The following BICRA variants were observed in gnomAD, a reference collection of about 807,000 sequenced individuals.
The protein encoded by BICRA is BRD4 interacting chromatin remodeling complex associated protein, also known as BRD4-interacting chromatin-remodeling complex-associated protein.
Under a neutral mutation model 96.9 loss-of-function variants are expected in BICRA, and 31 were observed. The ratio of observed to expected loss-of-function variants is 0.32; its 90% CI spans 0.24 to 0.43. BICRA has a LOEUF of 0.43. Among genes scored for constraint, BICRA ranks in the 20% least tolerant of loss-of-function variants. The pLI is 1.00. For synonymous variants in BICRA, 1,350 were observed against 1,071.8 expected, an observed-to-expected ratio of 1.26 and a Z score of -5.07; for missense variants, 2,283 against 2,190.3, an observed-to-expected ratio of 1.04 and a Z score of -0.84.
chr19:47,672,161 AGATG>A lies in BICRA; in HGVS notation c.-5-1402_-5-1399del, dbSNP rs749014248. Among the ~76,000 whole-genome samples the A allele has an allele frequency of 3.8e-4, 48 of 127,484 alleles. 1 individual carries two copies. The South Asian group carries it at 8.4e-3, about 22-fold the overall frequency. 83.6% of individuals were successfully genotyped at this position (127,484 alleles called of 152,430 possible). A position where few individuals can be genotyped will look rare whatever the true frequency, so the allele number is the denominator to read the frequency against. ...ATGGAAGGATGGAGCATGGGTAGGTAGATGGATGGAAGGATGGAGGATGGGTAGG... is the reference window on the plus strand; with the variant it reads ...ATGGAAGGATGGAGCATGGGTAGGTAGATGGAAGGATGGAGGATGGGTAGG... On this transcript the variant is annotated intron_variant, in intron 2 of 14. Transcript: ENST00000594866.
chr19:47,690,032 G>A (rs776642784), intron 7 of BICRA, among the ~76,000 whole-genome samples: 23 of 151,674 alleles, frequency 1.5e-4, no homozygotes, highest in Middle Eastern at 3.2e-3. Flanking sequence ...ACAGAGTTTC[G>A]CTCTTTTTGC....
intron 11 of BICRA, among the ~76,000 whole-genome samples, chr19:47,697,197 G>C (rs1599869159): frequency 1.3e-5 from 2 of 152,006 alleles, no homozygotes; most frequent in East Asian, 3.9e-4. Flanking sequence ...AGTAGAGATG[G>C]AGTTTCACCA....
At chr19:47,612,003 TG>T in intron 1 of BICRA, among the ~76,000 whole-genome samples, 1 of 152,118 alleles carries the variant, frequency 6.6e-6, no homozygotes, top group South Asian at 2.1e-4. Context: ...CCCGAGTAGC[TG>T]GGATTACAGG....
At chr19:47,686,397 G>A (rs1277470139) in intron 7 of BICRA, among the ~76,000 whole-genome samples, 2 of 151,464 alleles carry the variant, frequency 1.3e-5, no homozygotes, top group African/African-American at 4.9e-5. Context: ...TGGGGTTAGC[G>A]GGGAGGCATG....
intron 1 of BICRA, among the ~76,000 whole-genome samples, chr19:47,668,867 C>G (rs1972822467): frequency 1.3e-5 from 2 of 150,322 alleles, no homozygotes; most frequent in African/African-American, 4.9e-5. Context: ...CTCCTGTAAT[C>G]CCAACACTCT....
chr19:47,701,347 C>T lies in BICRA; in HGVS notation c.3615C>T (p.Ser1205=). 1 of 1,611,232 alleles carries T rather than the reference C, an allele frequency of 6.2e-7. No individual in the cohort carries two copies. Among genetic ancestry groups the T allele is most frequent in the African/African-American group, 1.3e-5 (1 of 75,042 alleles). The change falls in exon 15 of 15, where the codon TCC becomes TCT. Residue 1205 remains serine, a synonymous_variant. Coordinates refer to ENST00000594866, the MANE Select transcript of BICRA (RefSeq NM_001394372.1). This position sits in a 1 kb window ranked among gnomAD's most constrained non-coding sequence, Gnocchi z 5.4. ...CTGCAGACGAGTACGTGTCTTCCTC[C>T]CGCTCGCTCGGCCTCCCCATCGCAG... ...KEKPDEYVSS[S]RSLGLPIAAS...
intron 7 of BICRA, among the ~76,000 whole-genome samples, chr19:47,683,464 G>T (rs568833583): frequency 6.6e-6 from 1 of 152,048 alleles, no homozygotes; most frequent in Non-Finnish European, 1.5e-5. Context: ...TAAAATCTGG[G>T]TTGCTGTCAT....
chr19:47,662,733 C>G (rs1445556088), intron 1 of BICRA: 1 of 152,292 alleles, frequency 6.6e-6, no homozygotes, highest in East Asian at 1.9e-4. Context: ...AGTCAAGAAG[C>G]CAGCCCAGGG....
chr19:47,659,450 T>A (rs1972670237), intron 1 of BICRA, among the ~76,000 whole-genome samples: 1 of 152,122 alleles, frequency 6.6e-6, no homozygotes, highest in African/African-American at 2.4e-5. Context: ...CCCAGCCAGC[T>A]CTTACGGGGC....
At chr19:47,662,020 A>G (rs2123562125) in intron 1 of BICRA, 1 of 152,414 alleles carries the variant, frequency 6.6e-6, no homozygotes, top group South Asian at 2.1e-4. Context: ...TCAGGAAACT[A>G]AGGTGGGAGG....
chr19:47,608,697 G>GCGGAGGGCCCAGTCCC (rs1971845435), upstream of BICRA, among the ~76,000 whole-genome samples: 1 of 151,784 alleles, frequency 6.6e-6, no homozygotes, highest in African/African-American at 2.4e-5. Flanking sequence ...CGGCGCCGGC[G>GCGGAGGGCCCAGTCCC]CGGAGGGCCC....
intron 1 of BICRA, among the ~76,000 whole-genome samples, chr19:47,649,001 A>G (rs1332063322): frequency 6.6e-6 from 1 of 151,828 alleles, no homozygotes; most frequent in Non-Finnish European, 1.5e-5. Flanking sequence ...ACAGGCACCC[A>G]CCACCACACC....
In BICRA at chr19:47,701,825, C is replaced by A. The variant is rs1180593544; in HGVS notation, c.4093C>A (p.His1365Asn). 6.5e-7 allele frequency: 1 copy of A among 1,527,376 alleles called. No individual in the cohort carries two copies. Among genetic ancestry groups the A allele is most frequent in the Non-Finnish European group, 8.8e-7 (1 of 1,141,142 alleles). 94.6% of individuals were successfully genotyped at this position (1,527,376 alleles called of 1,614,324 possible). Residue 1365 changes from histidine to asparagine, a missense_variant, in exon 15 of 15, where the codon CAC becomes AAC. Transcript: ENST00000594866. This position sits in a 1 kb window ranked among gnomAD's most constrained non-coding sequence, Gnocchi z 5.4. ...GGGCCAGATGAACGGCACGGTGGACCACCCGCCGCCTGCCGCCCCCGAGCG... is the reference window on the plus strand; with the variant it reads ...GGGCCAGATGAACGGCACGGTGGACAACCCGCCGCCTGCCGCCCCCGAGCG... ...PTGQMNGTVD[H>N]PPPAAPERKP...
chr19:47,616,617 C>T (rs1408542625), intron 1 of BICRA, among the ~76,000 whole-genome samples: 2 of 150,036 alleles, frequency 1.3e-5, no homozygotes, highest in Admixed American at 6.7e-5. Flanking sequence ...CCAGCCAGGG[C>T]GACAGAGCAA....
chr19:47,620,685 A>AAAC (rs1555784145), intron 1 of BICRA, among the ~76,000 whole-genome samples: 4 of 150,984 alleles, frequency 2.6e-5, no homozygotes, highest in African/African-American at 9.7e-5. Flanking sequence ...AAAAAAAAAA[A>AAAC]AAAACAAGAA....
chr19:47,682,007 GC>G lies in BICRA; in HGVS notation c.2143del (p.His715ThrfsTer9). 1 of 1,571,212 alleles carries G rather than the reference GC, an allele frequency of 6.4e-7. No homozygotes were observed. The highest frequency in any genetic ancestry group is 8.6e-7 in the Non-Finnish European group (1 of 1,163,500). ...AGCCAGCAGCCCCTCTCCGCAGAGGGCCCCCACCTCTCCGTGCCTGCCTCGG... is the reference window on the plus strand; with the variant it reads ...AGCCAGCAGCCCCTCTCCGCAGAGGGCCCCACCTCTCCGTGCCTGCCTCGG... ...ERSQQPLSAE[G>X]PHLSVPASVI... On this transcript the variant is annotated frameshift_variant, in exon 7 of 15. Transcript: ENST00000594866. LOFTEE classifies it high-confidence loss of function.
chr19:47,697,011 A>AG (rs59553884), intron 11 of BICRA, among the ~76,000 whole-genome samples: 114,622 of 150,894 alleles, frequency 0.76, 43,914 homozygotes, highest in East Asian at 0.96. Flanking sequence ...GTTTTGTTTT[A>AG]GGGGGGGTTC....
At chr19:47,685,361 A>C (rs1348300807) in intron 7 of BICRA, among the ~76,000 whole-genome samples, 1 of 152,190 alleles carries the variant, frequency 6.6e-6, no homozygotes, top group Admixed American at 6.5e-5. Flanking sequence ...AGTCACACAC[A>C]GAGGCTCGGA....
chr19:47,647,533 G>A (rs545905060), intron 1 of BICRA, among the ~76,000 whole-genome samples: 5 of 152,174 alleles, frequency 3.3e-5, no homozygotes, highest in South Asian at 2.1e-4. Context: ...CCTCTGCCCC[G>A]CTATGCATAA....
Sources: allele counts gnomAD v4.1 joint callset (sites outside exome capture counted in the v4.1 genomes callset), GRCh38; gene constraint gnomAD v4.1.1; non-coding constraint Gnocchi (gnomAD v3.1); transcripts MANE v1.5; gene names NCBI Gene and HGNC (gene_info 2026-07-23, HGNC 2026-07-21).